FER: variants seen among roughly 807,000 people sequenced by gnomAD.
FER encodes the protein tyrosine-protein kinase Fer.
In FER, 63 loss-of-function variants were observed where a neutral mutation model predicts 111.0. The ratio of observed to expected loss-of-function variants is 0.57; its 90% CI spans 0.46 to 0.70. The LOEUF is 0.70. FER is among the 30% of genes least tolerant of loss of function. The pLI, the probability that FER is intolerant of heterozygous loss-of-function variation, is 0.00. For missense variants in FER, 914 were observed against 954.0 expected (o/e 0.96, Z 0.55); for synonymous variants, 327 against 313.9 (o/e 1.04, Z -0.44).
intron 13 of FER, among the ~76,000 whole-genome samples, chr5:109,026,682 GTTAATTA>G (rs921399313): frequency 6.6e-6 from 1 of 152,008 alleles, no homozygotes; most frequent in Non-Finnish European, 1.5e-5. Flanking sequence ...GTGACATTTT[GTTAATTA>G]TTCTTTCTTT....
chr5:109,075,460 C>T (rs1340040044), intron 16 of FER, among the ~76,000 whole-genome samples: 3 of 141,748 alleles, frequency 2.1e-5, no homozygotes, highest in African/African-American at 5.3e-5. Flanking sequence ...GGCAGAGTCT[C>T]GCTCTGTCAC....
intron 17 of FER, among the ~76,000 whole-genome samples, chr5:109,168,633 T>A (rs1195794984): frequency 6.6e-6 from 1 of 152,174 alleles, no homozygotes; most frequent in Admixed American, 6.6e-5. Context: ...ATATTATTTA[T>A]CATAAACTGG....
intron 16 of FER, among the ~76,000 whole-genome samples, chr5:109,062,586 G>A (rs1774563595): frequency 6.6e-6 from 1 of 151,904 alleles, no homozygotes; most frequent in Admixed American, 6.6e-5. Context: ...ATGTAGTCTA[G>A]ACAGCTGTCA....
chr5:108,904,831 G>A (rs912591651), intron 10 of FER, among the ~76,000 whole-genome samples: 25 of 152,018 alleles, frequency 1.6e-4, no homozygotes, highest in African/African-American at 4.8e-4. Context: ...TTTCAGTTTT[G>A]TAGATGAGTA....
intron 5 of FER, among the ~76,000 whole-genome samples, chr5:108,853,113 A>G (rs959651899): frequency 6.6e-6 from 1 of 152,192 alleles, no homozygotes; most frequent in African/African-American, 2.4e-5. Context: ...AAAAGATGAT[A>G]TAAATATCAG....
intron 17 of FER, among the ~76,000 whole-genome samples, chr5:109,129,134 C>CTAT (rs1004699445): frequency 1.3e-5 from 2 of 151,848 alleles, no homozygotes; most frequent in African/African-American, 4.8e-5. Context: ...AATTATGTAA[C>CTAT]TATTGGTGGT....
intron 4 of FER, among the ~76,000 whole-genome samples, chr5:108,835,181 G>GCC (rs1312154707): frequency 1.0e-3 from 58 of 56,286 alleles, no homozygotes; most frequent in African/African-American, 3.9e-3. Flanking sequence ...CTTCGTTTGC[G>GCC]CCACCCCCCC....
rs1339668223 is a variant in FER, at chr5:109,194,042, A to G, written c.*6467A>G. ...TTCCTAACGCAGCAAGATTTCTGTGAGTAGAGGTATCCTGGGAGGTATCCT... is the reference window on the plus strand; with the variant it reads ...TTCCTAACGCAGCAAGATTTCTGTGGGTAGAGGTATCCTGGGAGGTATCCT... On this transcript the variant is annotated 3_prime_UTR_variant, in exon 20 of 20. Coordinates refer to ENST00000281092, the MANE Select transcript of FER (RefSeq NM_005246.4). 1 of 152,230 alleles carries G rather than the reference A, an allele frequency of 6.6e-6. No homozygotes were observed. The highest frequency in any genetic ancestry group is 1.5e-5 in the Non-Finnish European group (1 of 68,050). The allele number at this position is 152,230 out of a possible 1,614,324, so 9.4% of individuals were successfully genotyped here.
At chr5:108,750,933 C>T (rs1580359443) in intron 1 of FER, among the ~76,000 whole-genome samples, 1 of 152,324 alleles carries the variant, frequency 6.6e-6, no homozygotes, top group East Asian at 1.9e-4. Flanking sequence ...TGGCTCATGC[C>T]TGTAATCCCA....
chr5:109,083,363 C>A (rs555913076), intron 16 of FER, among the ~76,000 whole-genome samples: 1 of 151,948 alleles, frequency 6.6e-6, no homozygotes, highest in Non-Finnish European at 1.5e-5. Flanking sequence ...CCACATCATA[C>A]CACTAATAAC....
chr5:109,167,678 C>G (rs1756693930), intron 17 of FER, among the ~76,000 whole-genome samples: 1 of 152,126 alleles, frequency 6.6e-6, no homozygotes, highest in African/African-American at 2.4e-5. Context: ...GGGCCTTCTG[C>G]CAGAATTGGA....
chr5:108,986,227 G>A (rs1298568412), intron 13 of FER, among the ~76,000 whole-genome samples: 1 of 150,232 alleles, frequency 6.7e-6, no homozygotes, highest in Admixed American at 6.6e-5. Flanking sequence ...TTGGCTAATT[G>A]TATATCTTCT....
chr5:109,021,009 C>G (rs1026422308), intron 13 of FER, among the ~76,000 whole-genome samples: 89 of 152,038 alleles, frequency 5.9e-4, no homozygotes, highest in African/African-American at 2.1e-3. Context: ...TACCTTTATT[C>G]TCCTTTAAAT....
intron 10 of FER, among the ~76,000 whole-genome samples, chr5:108,902,700 G>A (rs1561589313): frequency 6.6e-6 from 1 of 152,138 alleles, no homozygotes; most frequent in Non-Finnish European, 1.5e-5. Flanking sequence ...CAGATTAAAT[G>A]TCTAATAATT....
intron 1 of FER, among the ~76,000 whole-genome samples, chr5:108,761,267 T>G (rs144851539): frequency 0.012 from 1,880 of 152,238 alleles, 41 homozygotes; most frequent in African/African-American, 0.043. Flanking sequence ...TAAGCTTAAT[T>G]TAGCTTTTAA....
chr5:109,030,137 AT>A (rs1286771844), intron 13 of FER, among the ~76,000 whole-genome samples: 10 of 151,940 alleles, frequency 6.6e-5, no homozygotes, highest in African/African-American at 2.4e-4. Flanking sequence ...TTGCTTTGTA[AT>A]TTTTAGTTAT....
intron 10 of FER, among the ~76,000 whole-genome samples, chr5:108,935,074 T>A (rs1269369724): frequency 6.6e-6 from 1 of 152,140 alleles, no homozygotes; most frequent in Non-Finnish European, 1.5e-5. Context: ...AGGTAGCTGC[T>A]GCTTATAAGG....
At chr5:108,998,486 C>A (rs1016001459) in intron 13 of FER, among the ~76,000 whole-genome samples, 1 of 152,156 alleles carries the variant, frequency 6.6e-6, no homozygotes, top group Non-Finnish European at 1.5e-5. Flanking sequence ...CACCCACTGT[C>A]CAACCAGTCC....
At chr5:108,804,550 G>T (rs1756999543) in intron 3 of FER, among the ~76,000 whole-genome samples, 1 of 152,068 alleles carries the variant, frequency 6.6e-6, no homozygotes. Context: ...AGCGATGATG[G>T]ATTTTATCAA....
Sources: gnomAD v4.1 joint callset for allele counts (sites outside exome capture counted in the v4.1 genomes callset) on GRCh38, gnomAD v4.1.1 for gene constraint, MANE v1.5 for transcripts, NCBI Gene and HGNC (gene_info 2026-07-23, HGNC 2026-07-21) for gene names.